STIM2: variants seen among roughly 807,000 people sequenced by gnomAD.
STIM2 encodes stromal interaction molecule 2.
In STIM2, 31 loss-of-function variants were observed where a neutral mutation model predicts 85.8. The observed-to-expected ratio is 0.36, with a 90% CI of 0.27 to 0.49. STIM2 has a LOEUF of 0.49. Among genes scored for constraint, STIM2 ranks in the 20% least tolerant of loss-of-function variants. STIM2 has a pLI of 0.98. For missense variants in STIM2, 841 were observed against 927.6 expected (o/e 0.91, Z 1.21); for synonymous variants, 356 against 331.1 (o/e 1.08, Z -0.82).
chr4:26,896,524 T>G (rs1467299249), intron 1 of STIM2, among the ~76,000 whole-genome samples: 2 of 152,238 alleles, frequency 1.3e-5, no homozygotes, highest in African/African-American at 2.4e-5. Context: ...ATGCCTTGAC[T>G]CTTCTTGCCT....
chr4:27,015,180 C>T (rs927254707), intron 10 of STIM2, among the ~76,000 whole-genome samples: 2 of 151,936 alleles, frequency 1.3e-5, no homozygotes, highest in African/African-American at 4.8e-5. Context: ...TTGAATTTAT[C>T]TCTGGAATCT....
At chr4:26,992,623 A>G (rs1288721928) in intron 3 of STIM2, among the ~76,000 whole-genome samples, 1 of 152,150 alleles carries the variant, frequency 6.6e-6, no homozygotes, top group African/African-American at 2.4e-5. Flanking sequence ...TTAATGAAAC[A>G]AAAAGGTGGA....
At chr4:26,990,476 G>C (rs1577483019) in intron 3 of STIM2, among the ~76,000 whole-genome samples, 1 of 152,180 alleles carries the variant, frequency 6.6e-6, no homozygotes, top group African/African-American at 2.4e-5. Context: ...TTAAATGTAA[G>C]ATCTGAAACT....
In STIM2 at chr4:26,876,837, A is replaced by T. The variant is rs184750608; in HGVS notation, c.151+15468A>T. Among the ~76,000 whole-genome samples, 32 of 152,144 alleles carry T rather than the reference A, an allele frequency of 2.1e-4. No individual in the cohort carries two copies. The East Asian group carries it at 6.2e-3, about 29-fold the overall frequency. The stretch of plus-strand genomic sequence containing the variant: ...TTTTAGACTATTTGAGTTTATTTTC[A>T]TGTGGAGATGGTAAATAGAATGTCA... On this transcript the variant is annotated intron_variant, in intron 1 of 11. Transcript: ENST00000467087.
intron 6 of STIM2, 27 bp from the exon 7 acceptor site, chr4:27,002,900 G>C: frequency 2.0e-6 from 3 of 1,475,570 alleles, no homozygotes; most frequent in Non-Finnish European, 2.7e-6. Context: ...TTTTTGTGAG[G>C]AATTTTTATT....
intron 1 of STIM2, among the ~76,000 whole-genome samples, chr4:26,885,727 C>T (rs1257179748): frequency 4.0e-5 from 6 of 149,474 alleles, no homozygotes; most frequent in African/African-American, 1.5e-4. Context: ...ACCTTGGTTA[C>T]CAGGCTATGT....
intron 2 of STIM2, among the ~76,000 whole-genome samples, chr4:26,928,996 A>C (rs1181647982): frequency 6.6e-6 from 1 of 152,166 alleles, no homozygotes; most frequent in Admixed American, 6.5e-5. Flanking sequence ...TCCACTGTCC[A>C]GTGTGGTAGC....
intron 1 of STIM2, among the ~76,000 whole-genome samples, chr4:26,914,016 A>G (rs1724441571): frequency 6.6e-6 from 1 of 152,238 alleles, no homozygotes; most frequent in Non-Finnish European, 1.5e-5. Flanking sequence ...GGATCATTTA[A>G]GTTGGAATGA....
rs765806839 is a variant in STIM2, at chr4:26,995,504, A to C, written c.509+14A>C. ...GACACTTCCCAGGTGAGTCTTTGTT[A>C]TGCAAATGTATTTTCCACTCAGGGA... On this transcript the variant is annotated intron_variant, in intron 4 of 11. Transcript: ENST00000467087. 3.9e-6 allele frequency: 6 copies of C among 1,521,100 alleles called. No homozygotes were observed. Among genetic ancestry groups the C allele is most frequent in the Non-Finnish European group, 5.4e-6 (6 of 1,113,764 alleles). 94.2% of individuals were successfully genotyped at this position (1,521,100 alleles called of 1,614,324 possible).
intron 11 of STIM2, 75 bp from the exon 12 acceptor site, chr4:27,022,444 T>G: frequency 8.2e-7 from 1 of 1,218,538 alleles, no homozygotes; most frequent in Non-Finnish European, 1.1e-6. Flanking sequence ...GAAAGTTGTT[T>G]TAGTTAGAAT....
chr4:26,911,569 C>A (rs12641141), intron 1 of STIM2, among the ~76,000 whole-genome samples: 3,087 of 152,226 alleles, frequency 0.02, 59 homozygotes, highest in East Asian at 0.099. Context: ...AGTCTGTCTC[C>A]TTTAATTGTT....
At chr4:26,982,821 A>G (rs1020750634) in intron 3 of STIM2, among the ~76,000 whole-genome samples, 2 of 152,196 alleles carry the variant, frequency 1.3e-5, no homozygotes, top group Non-Finnish European at 2.9e-5. Context: ...ATACCTGATA[A>G]ACTCCAATTT....
intron 1 of STIM2, among the ~76,000 whole-genome samples, chr4:26,912,626 A>G (rs1052051122): frequency 1.3e-5 from 2 of 152,200 alleles, no homozygotes; most frequent in Non-Finnish European, 2.9e-5. Context: ...GATGACTTTT[A>G]GGCCTGAAAT....
At chr4:26,912,485 A>T (rs151175386) in intron 1 of STIM2, among the ~76,000 whole-genome samples, 2 of 152,322 alleles carry the variant, frequency 1.3e-5, no homozygotes, top group East Asian at 3.9e-4. Flanking sequence ...ATTGACTAGG[A>T]TGACAAAGTA....
chr4:26,956,910 T>C (rs1025314285), intron 2 of STIM2, among the ~76,000 whole-genome samples: 3 of 152,160 alleles, frequency 2.0e-5, no homozygotes, highest in African/African-American at 7.2e-5. Context: ...CCTTGGTTTC[T>C]CATCTATTGA....
intron 3 of STIM2, among the ~76,000 whole-genome samples, chr4:26,991,466 A>G (rs1727762884): frequency 6.6e-6 from 1 of 152,108 alleles, no homozygotes; most frequent in Non-Finnish European, 1.5e-5. Flanking sequence ...AATGGGTACA[A>G]AAATGCAGTT....
chr4:26,958,492 A>C (rs572190317), intron 3 of STIM2, among the ~76,000 whole-genome samples: 35 of 152,288 alleles, frequency 2.3e-4, no homozygotes, highest in Admixed American at 1.2e-3. Context: ...AAGAAATAAT[A>C]AAGTTTACTT....
intron 1 of STIM2, among the ~76,000 whole-genome samples, chr4:26,880,232 G>T (rs6815719): frequency 6.6e-6 from 1 of 151,876 alleles, no homozygotes; most frequent in Non-Finnish European, 1.5e-5. Context: ...GGGCCCTGGC[G>T]CTTGAGGTTT....
rs534135090 is a variant in STIM2, at chr4:27,005,431, C to T, written c.982-2102C>T. Among the ~76,000 whole-genome samples, 7 of 152,224 alleles carry T rather than the reference C, an allele frequency of 4.6e-5. No individual in the cohort carries two copies. The East Asian group carries it at 5.8e-4, about 13-fold the overall frequency. ...GAGATGAAAAATAATACAGTTGGGT[C>T]TAGAAAAGAAGTTTTCAGATGTTTA... On this transcript the variant is annotated intron_variant, in intron 7 of 11. Coordinates refer to ENST00000467087, the MANE Select transcript of STIM2 (RefSeq NM_020860.4).
Sources: gnomAD v4.1 joint callset for allele counts (sites outside exome capture counted in the v4.1 genomes callset) on GRCh38, gnomAD v4.1.1 for gene constraint, MANE v1.5 for transcripts, NCBI Gene and HGNC (gene_info 2026-07-23, HGNC 2026-07-21) for gene names.